Variants in PAOX observed in about 807,000 individuals in gnomAD.
PAOX encodes the protein polyamine oxidase.
PAOX carries 38 observed loss-of-function variants against 39.0 expected under a neutral mutation model. The observed-to-expected ratio is 0.97, with a 90% confidence interval of 0.75 to 1.28. The LOEUF (loss-of-function observed/expected upper bound fraction) is 1.28. Among genes scored for constraint, PAOX ranks in the 50% most tolerant of loss-of-function variants. PAOX has a pLI of 0.00. For missense variants in PAOX, 667 were observed against 685.7 expected (o/e 0.97, Z 0.30); for synonymous variants, 311 against 314.4 (o/e 0.99, Z 0.11).
chr10:133,385,650 C>A, intron 4 of PAOX, among the ~76,000 whole-genome samples: 1 of 152,208 alleles, frequency 6.6e-6, no homozygotes, highest in East Asian at 1.9e-4. Flanking sequence ...GTGGTGCAAT[C>A]TTGGCTCACT....
chr10:133,384,196 G>T lies in PAOX; in HGVS notation c.1105G>T (p.Val369Phe), dbSNP rs1849474656. ...GTTCCGGAAGCTCATTGGCTTTGTGGTCCTGCCTGCCTTTGCGTACGTTTG... is the reference window on the plus strand; with the variant it reads ...GTTCCGGAAGCTCATTGGCTTTGTGTTCCTGCCTGCCTTTGCGTACGTTTG... ...AWFRKLIGFV[V>F]LPAFASVHVL... Residue 369 changes from valine (V) to phenylalanine (F), a missense_variant, in exon 4 of 7, where the codon GTC (valine) becomes TTC (phenylalanine). Val to Phe is a conservative substitution (Grantham distance 50, BLOSUM62 -1). Transcript: ENST00000278060. This position sits in a 1 kb window ranked among gnomAD's most constrained non-coding sequence, Gnocchi z 4.3. 1 of 1,613,670 alleles carries T rather than the reference G, an allele frequency of 6.2e-7. No homozygotes were observed. The highest frequency in any genetic ancestry group is 8.5e-7 in the Non-Finnish European group (1 of 1,179,958).
intron 2 of PAOX, 102 bp downstream of exon 2, chr10:133,380,587 G>T: frequency 1.4e-6 from 2 of 1,415,464 alleles, no homozygotes; most frequent in Non-Finnish European, 1.9e-6. Context: ...AGGGACAGGA[G>T]ACCATTTGTC....
rs144695264 is a variant in PAOX, at chr10:133,383,965, C to A, written c.874C>A (p.Leu292Ile). 2.8e-5 allele frequency: 45 copies of A among 1,612,590 alleles called. No individual in the cohort carries two copies. In the African/African-American group the frequency reaches 5.3e-4, roughly 19 times the overall value. ...HVIVTVPLGF[L>I]REHLDTFFDP... ...AGTCCAATTCTGAATTCCAGGTTTT[C>A]TTAGGGAACATTTGGACACCTTCTT... Residue 292 changes from leucine (L) to isoleucine (I), a missense_variant, in exon 4 of 7, where the codon CTT becomes ATT. Transcript: ENST00000278060.
rs78367010 is a variant in PAOX, at chr10:133,381,644, G to A, written c.853G>A (p.Val285Ile). 0.022 allele frequency: 34,741 copies of A among 1,613,052 alleles called. 473 individuals carry two copies. The highest frequency in any genetic ancestry group is 0.04 in the Middle Eastern group (245 of 6,060). Residue 285 changes from valine to isoleucine, a missense_variant, in exon 3 of 7, where the codon GTC becomes ATC. Val to Ile is a conservative substitution (Grantham distance 29). Transcript: ENST00000278060. ...CCGGTTCCCGGCGCACCATGTCATC[G>A]TCACCGTGCCCTTAGGTAGGTCAGG... is the stretch of plus-strand genomic sequence containing the variant. ...GDRFPAHHVI[V>I]TVPLGFLREH... is the part of the protein sequence containing the mutation.
rs1279685398 is a variant in PAOX, at chr10:133,382,205, A to G, written c.868+546A>G. Among the ~76,000 whole-genome samples, 4 of 152,098 alleles carry G rather than the reference A, an allele frequency of 2.6e-5. No individual in the cohort carries two copies. The East Asian group carries it at 7.7e-4, about 29-fold the overall frequency. On this transcript the variant is annotated intron_variant, in intron 3 of 6. Coordinates refer to ENST00000278060, the MANE Select transcript of PAOX (RefSeq NM_152911.4). ...GGTCTCTGCCTGAGTTATCTCATTG[A>G]CTCAGGCAGCCTTGGGAGGTGTCTG... is the stretch of plus-strand genomic sequence containing the variant.
At chr10:133,389,118 G>A in intron 5 of PAOX, 50 bp downstream of exon 5, 1 of 1,419,382 alleles carries the variant, frequency 7.0e-7, no homozygotes, top group Non-Finnish European at 1.0e-6. Flanking sequence ...GTTACTGGTT[G>A]ATCTCTAAAC....
At chr10:133,379,968 C>T (rs1849309002) in intron 1 of PAOX, 31 bp from the exon 2 acceptor site, 23 of 1,505,104 alleles carry the variant, frequency 1.5e-5, no homozygotes, top group East Asian at 6.8e-5. Context: ...AGGAAAGGGA[C>T]CTCCAGGTGG....
At chr10:133,390,016 C>T (rs965638403) in intron 6 of PAOX, among the ~76,000 whole-genome samples, 19 of 152,308 alleles carry the variant, frequency 1.2e-4, no homozygotes, top group Middle Eastern at 3.4e-3. Context: ...CCTTCTCAGA[C>T]GGTGCTCCCA....
intron 3 of PAOX, among the ~76,000 whole-genome samples, chr10:133,383,277 C>G (rs1301574861): frequency 6.6e-6 from 1 of 152,160 alleles, no homozygotes; most frequent in Non-Finnish European, 1.5e-5. Context: ...TTCACTTTTT[C>G]TATTTCATGC....
chr10:133,379,938 G>T lies in PAOX; in HGVS notation c.182-61G>T, dbSNP rs572171892. Reference sequence around the variant, plus strand: ...CCAGCGTGGGCGTGGCCCAGGAGAAGGGCTCGGGGTGACCCTTCTAGGAAA... The same window carrying T: ...CCAGCGTGGGCGTGGCCCAGGAGAATGGCTCGGGGTGACCCTTCTAGGAAA... On this transcript the variant is annotated intron_variant, in intron 1 of 6. Coordinates refer to ENST00000278060, the MANE Select transcript of PAOX (RefSeq NM_152911.4). 63 of 1,498,698 alleles carry T rather than the reference G, an allele frequency of 4.2e-5. No individual in the cohort carries two copies. The African/African-American group carries it at 8.2e-4, about 20-fold the overall frequency. The allele number at this position is 1,498,698 out of a possible 1,614,324, so 92.8% of individuals were successfully genotyped here.
At chr10:133,388,289 C>G (rs1488087763) in intron 4 of PAOX, among the ~76,000 whole-genome samples, 1 of 152,192 alleles carries the variant, frequency 6.6e-6, no homozygotes, top group Non-Finnish European at 1.5e-5. Context: ...TCCTGCTCCT[C>G]TCCCTCCTCC....
rs1849491938 is a variant in PAOX at position 133,384,896 on chromosome 10, G to C, written c.1121+684G>C. On this transcript the variant is annotated intron_variant, in intron 4 of 6. Transcript: ENST00000278060. The surrounding 1 kb of genome is among the most constrained non-coding windows in gnomAD (Gnocchi z 4.3). Reference sequence around the variant, plus strand: ...GGTGGGATGTAGGGCATGCCTGCCAGATGGTTCATAGTTGCCATCCACTGG... The same window carrying C: ...GGTGGGATGTAGGGCATGCCTGCCACATGGTTCATAGTTGCCATCCACTGG... Among the ~76,000 whole-genome samples, 1 of 152,228 alleles carries C rather than the reference G, an allele frequency of 6.6e-6. No individual in the cohort carries two copies. The highest frequency in any genetic ancestry group is 6.5e-5 in the Admixed American group (1 of 15,284).
At chr10:133,387,749 C>G (rs1396219512) in intron 4 of PAOX, among the ~76,000 whole-genome samples, 2 of 152,170 alleles carry the variant, frequency 1.3e-5, no homozygotes, top group African/African-American at 4.8e-5. Flanking sequence ...GAGATGGAGT[C>G]TTACTCTGTC....
intron 3 of PAOX, 119 bp from the exon 4 acceptor site, chr10:133,383,841 G>T (rs770160770): frequency 1.5e-5 from 20 of 1,315,668 alleles, no homozygotes; most frequent in Non-Finnish European, 2.0e-5. Flanking sequence ...AACTGCTTGT[G>T]TGAATGTGTC....
At chr10:133,381,422 A>G (rs762593732) in intron 2 of PAOX, 38 bp from the exon 3 acceptor site, 29 of 1,595,162 alleles carry the variant, frequency 1.8e-5, no homozygotes, top group Non-Finnish European at 1.8e-5. Context: ...CCTTCCAGGG[A>G]CTGGGCCTCT....
rs145014225 is a variant in PAOX, at chr10:133,380,051, C to T, written c.234C>T (p.Asn78=). 1.2e-5 allele frequency: 18 copies of T among 1,525,674 alleles called. No homozygotes were observed. In the Admixed American group the frequency reaches 1.5e-4, roughly 13 times the overall value. 94.5% of individuals were successfully genotyped at this position (1,525,674 alleles called of 1,614,324 possible). ...GGATCCATGGGCCCTCCCGGGGTAA[C>T]CCCGTCTTCCAGCTGGCTGCTGAGT... The part of the protein sequence containing the change: ...AHWIHGPSRG[N]PVFQLAAEYG... Residue 78 remains asparagine, a synonymous_variant, in exon 2 of 7, where the codon AAC becomes AAT. Coordinates refer to ENST00000278060, the MANE Select transcript of PAOX (RefSeq NM_152911.4).
rs375765537 is a variant in PAOX at position 133,380,322 on chromosome 10, G to A, written c.505G>A (p.Gly169Ser). 11 of 1,612,798 alleles carry A rather than the reference G, an allele frequency of 6.8e-6. No individual in the cohort carries two copies. The highest frequency in any genetic ancestry group is 2.7e-5 in the African/African-American group (2 of 74,952). ...GAAGGAGATTGGCCAGCACGTGGCC[G>A]GCTGGACAGAGGATGAGGAGACCAG... ...LKKEIGQHVA[G>S]WTEDEETRKL... is the part of the protein sequence containing the mutation. The change falls in exon 2 of 7, where the codon GGC becomes AGC. Residue 169 changes from glycine to serine, a missense_variant. Gly to Ser is a moderately conservative substitution (Grantham distance 56, BLOSUM62 0). Coordinates refer to ENST00000278060, the MANE Select transcript of PAOX (RefSeq NM_152911.4).
rs1056898155 is a variant in PAOX, at chr10:133,389,556, T to A, written c.1235-34T>A. ...ACAGTTGCAGACCTGTGGGTGAGAGTTCTCGGTTAACATGCAGTGTCTCTG... is the reference window on the plus strand; with the variant it reads ...ACAGTTGCAGACCTGTGGGTGAGAGATCTCGGTTAACATGCAGTGTCTCTG... On this transcript the variant is annotated intron_variant, in intron 5 of 6. Transcript: ENST00000278060. 1.9e-6 allele frequency: 3 copies of A among 1,613,084 alleles called. No individual in the cohort carries two copies. In the African/African-American group the frequency reaches 4.0e-5, roughly 22 times the overall value.
At chr10:133,390,410 C>CCACACACACACACACA (rs59249557) in intron 6 of PAOX, among the ~76,000 whole-genome samples, 14 of 145,430 alleles carry the variant, frequency 9.6e-5, no homozygotes, top group African/African-American at 3.3e-4. Flanking sequence ...GAGTCGGTCT[C>CCACACACACACACACA]CACACACACA....
Sources: gnomAD v4.1 joint callset for allele counts (sites outside exome capture counted in the v4.1 genomes callset) on GRCh38, gnomAD v4.1.1 for gene constraint, Gnocchi (gnomAD v3.1) non-coding constraint, MANE v1.5 for transcripts, NCBI Gene and HGNC (gene_info 2026-07-23, HGNC 2026-07-21) for gene names.